The following RBFOX3 variants were observed in gnomAD, a reference collection of about 807,000 sequenced individuals.
RBFOX3 encodes the protein RNA binding protein fox-1 homolog 3.
A neutral mutation model predicts 48.7 loss-of-function variants in RBFOX3; 17 were observed. That is an observed-to-expected ratio of 0.35 (90% CI 0.24 to 0.52). The LOEUF (loss-of-function observed/expected upper bound fraction) is 0.52. RBFOX3 is among the 20% of genes least tolerant of loss of function. RBFOX3 has a pLI of 0.94. For missense variants in RBFOX3, 382 were observed against 497.5 expected (o/e 0.77, Z 2.21); for synonymous variants, 212 against 209.5 (o/e 1.01, Z -0.10).
chr17:79,452,548 C>T (rs1160152778), intron 2 of RBFOX3, among the ~76,000 whole-genome samples: 3 of 152,108 alleles, frequency 2.0e-5, no homozygotes, highest in Non-Finnish European at 2.9e-5. Context: ...CATGCAGCAG[C>T]GAATGGGTCA....
chr17:79,453,463 C>A lies in RBFOX3; in HGVS notation c.-175+28991G>T, dbSNP rs575982034. ...AGAGGGACAGGCCTCATCTCCTTGG[C>A]ACCCTTTGGGGTGGTGGAAGGGAAG... On this transcript the variant is annotated intron_variant, in intron 2 of 14. Transcript: ENST00000693108. Among the ~76,000 whole-genome samples the A allele has an allele frequency of 3.0e-4, 46 of 152,296 alleles. 1 individual carries two copies. In the South Asian group the frequency reaches 7.3e-3, roughly 24 times the overall value.
intron 2 of RBFOX3, among the ~76,000 whole-genome samples, chr17:79,442,539 T>C (rs992078540): frequency 1.3e-5 from 2 of 151,954 alleles, no homozygotes; most frequent in Non-Finnish European, 1.5e-5. Context: ...GTGGCTGCTG[T>C]TGCTGGGATT....
chr17:79,282,495 T>C (rs1277561555), intron 3 of RBFOX3, among the ~76,000 whole-genome samples: 2 of 150,660 alleles, frequency 1.3e-5, no homozygotes, highest in Non-Finnish European at 3.0e-5. Context: ...GCTGGCTCAA[T>C]GCGCTTCATG....
At chr17:79,596,828 C>T (rs2093582056) in intron 1 of RBFOX3, among the ~76,000 whole-genome samples, 1 of 152,208 alleles carries the variant, frequency 6.6e-6, no homozygotes, top group African/African-American at 2.4e-5. Flanking sequence ...CAGAGGGAGG[C>T]TTTGTGGATG....
rs139975976 is a variant in RBFOX3, at chr17:79,116,742, C to T, written c.-33-994G>A. ...GAACTCTCAAAGATCTGTCTGTGCC[C>T]CCTCAAAGGCCTGCTGCCCCAAGCG... On this transcript the variant is annotated intron_variant, in intron 4 of 14. Coordinates refer to ENST00000693108, the MANE Select transcript of RBFOX3 (RefSeq NM_001350451.2). 3.0e-3 allele frequency among the ~76,000 whole-genome samples: 460 copies of T among 152,354 alleles called. 5 individuals are homozygous for T. The highest frequency in any genetic ancestry group is 0.01 in the African/African-American group (435 of 41,582).
At position 79,178,106 on chromosome 17, in the gene RBFOX3, C is replaced by T. The variant is rs190435931; in HGVS notation, c.-34+57660G>A. 2.4e-3 allele frequency among the ~76,000 whole-genome samples: 368 copies of T among 152,324 alleles called. 2 individuals are homozygous for T. The South Asian group carries it at 0.029, about 12-fold the overall frequency. ...GAGCTTTCTCCTCGGCCATCACTGC[C>T]GGGCTCCTACGGGCTCCTTCCCCGC... On this transcript the variant is annotated intron_variant, in intron 4 of 14. Coordinates refer to ENST00000693108, the MANE Select transcript of RBFOX3 (RefSeq NM_001350451.2).
At chr17:79,553,542 G>A (rs1356982091) in intron 1 of RBFOX3, among the ~76,000 whole-genome samples, 2 of 152,176 alleles carry the variant, frequency 1.3e-5, no homozygotes, top group East Asian at 3.8e-4. Flanking sequence ...AGCATTGGAA[G>A]CACCTGCTCT....
At chr17:79,130,771 C>G (rs2143193934) in intron 4 of RBFOX3, among the ~76,000 whole-genome samples, 1 of 152,392 alleles carries the variant, frequency 6.6e-6, no homozygotes, top group African/African-American at 2.4e-5. Flanking sequence ...GTGGAGTGCC[C>G]TGTCCTTCAG....
At position 79,168,639 on chromosome 17, in the gene RBFOX3, C is replaced by T. The variant is rs114056041; in HGVS notation, c.-33-52891G>A. On this transcript the variant is annotated intron_variant, in intron 4 of 14. Coordinates refer to ENST00000693108, the MANE Select transcript of RBFOX3 (RefSeq NM_001350451.2). Reference sequence around the variant, plus strand: ...GTGTGGGCGGCCTGGCCCGCTTGTCCACATCCGCTGATGAATGCACTGAGG... The same window carrying T: ...GTGTGGGCGGCCTGGCCCGCTTGTCTACATCCGCTGATGAATGCACTGAGG... 4.6e-3 allele frequency among the ~76,000 whole-genome samples: 708 copies of T among 152,324 alleles called. 7 individuals are homozygous for T. The highest frequency in any genetic ancestry group is 0.016 in the African/African-American group (671 of 41,590).
intron 2 of RBFOX3, among the ~76,000 whole-genome samples, chr17:79,376,878 G>C (rs995885117): frequency 6.6e-6 from 1 of 152,112 alleles, no homozygotes; most frequent in Non-Finnish European, 1.5e-5. Context: ...CTGGAACCCC[G>C]AGATGTGGGA....
At chr17:79,638,267 T>C in the RBFOX3 span, among the ~76,000 whole-genome samples, 1 of 139,768 alleles carries the variant, frequency 7.2e-6, no homozygotes, top group Non-Finnish European at 1.6e-5. Context: ...AAATAGAGAA[T>C]AGAAAAACAA....
chr17:79,583,106 C>T (rs908697727), intron 1 of RBFOX3, among the ~76,000 whole-genome samples: 2 of 152,164 alleles, frequency 1.3e-5, no homozygotes, highest in African/African-American at 4.8e-5. Context: ...CAATGAAAGC[C>T]GTACCAAGTC....
chr17:79,281,875 T>A (rs1452065644), intron 3 of RBFOX3, among the ~76,000 whole-genome samples: 1 of 152,168 alleles, frequency 6.6e-6, no homozygotes, highest in Non-Finnish European at 1.5e-5. Context: ...GGAGTCCCAG[T>A]GAAGGAAGCC....
At chr17:79,400,033 T>C (rs958439270) in intron 2 of RBFOX3, among the ~76,000 whole-genome samples, 21 of 152,102 alleles carry the variant, frequency 1.4e-4, no homozygotes, top group African/African-American at 4.8e-4. Flanking sequence ...ACTGCTGATT[T>C]AACCGGTTTC....
intron 2 of RBFOX3, among the ~76,000 whole-genome samples, chr17:79,377,604 G>A (rs551577040): frequency 5.1e-4 from 78 of 152,326 alleles, no homozygotes; most frequent in African/African-American, 1.9e-3. Flanking sequence ...GCGGTTCCAC[G>A]GTGACAGCCG....
At chr17:79,431,487 A>ATT (rs10633689) in intron 2 of RBFOX3, among the ~76,000 whole-genome samples, 59,316 of 121,356 alleles carry the variant, frequency 0.49, 16,432 homozygotes, top group South Asian at 0.55. Flanking sequence ...TGCCTGGCTA[A>ATT]TTTTTTTTTT....
At chr17:79,641,681 A>G in the RBFOX3 span, among the ~76,000 whole-genome samples, 6 of 152,180 alleles carry the variant, frequency 3.9e-5, no homozygotes, top group African/African-American at 7.2e-5. Context: ...GACTGATATG[A>G]TTTGGATCTG....
At chr17:79,145,917 G>A (rs934432455) in intron 4 of RBFOX3, among the ~76,000 whole-genome samples, 1 of 152,194 alleles carries the variant, frequency 6.6e-6, no homozygotes, top group African/African-American at 2.4e-5. Context: ...GGCCGCCGGG[G>A]GCAGGGGGGT....
chr17:79,586,638 C>A (rs2144960209), intron 1 of RBFOX3, among the ~76,000 whole-genome samples: 1 of 152,320 alleles, frequency 6.6e-6, no homozygotes, highest in Non-Finnish European at 1.5e-5. Context: ...TGTAATTGAG[C>A]TACTTGGTGA....
Sources: allele counts gnomAD v4.1 joint callset (sites outside exome capture counted in the v4.1 genomes callset), GRCh38; gene constraint gnomAD v4.1.1; transcripts MANE v1.5; gene names NCBI Gene and HGNC (gene_info 2026-07-23, HGNC 2026-07-21).